C12orf42: variants seen among roughly 807,000 people sequenced by gnomAD.
C12orf42 encodes uncharacterized protein C12orf42.
In C12orf42, 25 loss-of-function variants were observed where a neutral mutation model predicts 21.6. The observed-to-expected ratio is 1.16, with a 90% CI of 0.84 to 1.62. The LOEUF (loss-of-function observed/expected upper bound fraction) is 1.62, where lower values mean the gene tolerates loss of function less well. Among genes scored for constraint, C12orf42 ranks in the 40% most tolerant of loss-of-function variants. C12orf42 has a pLI of 0.00. For synonymous variants in C12orf42, 174 were observed against 175.0 expected (o/e 0.99, Z 0.05); for missense variants, 483 against 459.3 (o/e 1.05, Z -0.47).
chr12:103,294,639 G>GAAAGAAAGAAAGAAA (rs1566026190), intron 4 of C12orf42, among the ~76,000 whole-genome samples: 4 of 119,188 alleles, frequency 3.4e-5, no homozygotes, highest in East Asian at 2.5e-4. Context: ...AAAGAAAGAA[G>GAAAGAAAGAAAGAAA]GAAAAGAAAG....
intron 1 of C12orf42, among the ~76,000 whole-genome samples, chr12:103,492,215 C>T (rs1955231627): frequency 6.6e-6 from 1 of 152,234 alleles, no homozygotes; most frequent in Non-Finnish European, 1.5e-5. Flanking sequence ...GCCATGGCCT[C>T]CCAAAATGCT....
the C12orf42 span, among the ~76,000 whole-genome samples, chr12:103,120,429 A>T: frequency 1.6e-4 from 25 of 152,164 alleles, no homozygotes; most frequent in African/African-American, 6.0e-4. Flanking sequence ...TTGCAGAGGG[A>T]TGGGATGAAC....
At position 103,368,961 on chromosome 12, in the gene C12orf42, G is replaced by A; in HGVS notation, c.185C>T (p.Ser62Phe). 1.2e-6 allele frequency: 2 copies of A among 1,600,360 alleles called. No individual in the cohort carries two copies. The highest frequency in any genetic ancestry group is 1.1e-5 in the South Asian group (1 of 88,596). The change falls in exon 4 of 6, where the codon TCC (serine) becomes TTC (phenylalanine). Residue 62 changes from serine (S) to phenylalanine (F), a missense_variant. Physicochemically the swap from Ser to Phe is radical, Grantham distance 155. Coordinates refer to ENST00000548883, the MANE Select transcript of C12orf42 (RefSeq NM_198521.5). ...PCYERTSVPC[S>F]RFINHMKNFS... is the part of the protein sequence containing the mutation. The stretch of plus-strand genomic sequence containing the variant: ...ATTCTTCATGTGATTAATGAATCTG[G>A]AGCAGGGTACTGAAGTTCTTTCATA...
intron 3 of C12orf42, among the ~76,000 whole-genome samples, chr12:103,386,655 G>C (rs1395013482): frequency 6.6e-6 from 1 of 152,138 alleles, no homozygotes; most frequent in African/African-American, 2.4e-5. Flanking sequence ...CCAAAATACA[G>C]CAACTGCTCT....
chr12:103,395,336 CTTT>C (rs35914185), intron 3 of C12orf42, among the ~76,000 whole-genome samples: 3 of 138,290 alleles, frequency 2.2e-5, no homozygotes, highest in Non-Finnish European at 1.6e-5. Context: ...ACCCATTATT[CTTT>C]TTTTTTTTTT....
the C12orf42 span, chr12:103,168,201 C>A: frequency 6.7e-6 from 2 of 298,152 alleles, no homozygotes; most frequent in Non-Finnish European, 6.0e-6. Context: ...TTACACCAAT[C>A]CATCCAACCA....
rs561517186 is a variant in C12orf42 at position 103,356,100 on chromosome 12, G to A, written c.259+12787C>T. On this transcript the variant is annotated intron_variant, in intron 4 of 5. Transcript: ENST00000548883. ...TTAAAAGTCTAACTCCTGACTGGGC[G>A]CTTCTAACCACAATGCCTCCTGTTA... Among the ~76,000 whole-genome samples, 6 of 152,106 alleles carry A rather than the reference G, an allele frequency of 3.9e-5. No individual in the cohort carries two copies. The South Asian group carries it at 1.0e-3, about 26-fold the overall frequency.
the C12orf42 span, among the ~76,000 whole-genome samples, chr12:103,540,867 T>C: frequency 6.6e-6 from 1 of 152,226 alleles, no homozygotes; most frequent in Non-Finnish European, 1.5e-5. Context: ...TCCTTCTTTC[T>C]TGCCTTCCTC....
chr12:103,298,002 T>C (rs563743907), downstream of C12orf42, among the ~76,000 whole-genome samples: 1 of 151,856 alleles, frequency 6.6e-6, no homozygotes, highest in Non-Finnish European at 1.5e-5. Flanking sequence ...AATATCATAC[T>C]GAATGGGCAA....
At chr12:103,141,012 C>T in the C12orf42 span, among the ~76,000 whole-genome samples, 1 of 152,196 alleles carries the variant, frequency 6.6e-6, no homozygotes, top group Non-Finnish European at 1.5e-5. Flanking sequence ...CCTTAACCAT[C>T]TTCCAAGTAA....
At chr12:103,505,017 G>C in the C12orf42 span, 1 of 228,180 alleles carries the variant, frequency 4.4e-6, no homozygotes, top group Non-Finnish European at 9.7e-6. Flanking sequence ...GCTGTGTTCT[G>C]AGCTTAGGAA....
At chr12:103,339,745 G>A (rs989080587) in intron 4 of C12orf42, among the ~76,000 whole-genome samples, 2 of 152,172 alleles carry the variant, frequency 1.3e-5, no homozygotes, top group African/African-American at 2.4e-5. Flanking sequence ...CTGTTGGTGG[G>A]AGTGAAAATC....
chr12:103,555,104 T>C, the C12orf42 span, among the ~76,000 whole-genome samples: 2 of 152,300 alleles, frequency 1.3e-5, no homozygotes, highest in South Asian at 4.1e-4. Flanking sequence ...GGGCAACTTG[T>C]TAAAGCACGG....
chr12:103,088,073 T>C, the C12orf42 span, among the ~76,000 whole-genome samples: 1 of 152,226 alleles, frequency 6.6e-6, no homozygotes, highest in African/African-American at 2.4e-5. Flanking sequence ...TAGATTTTGA[T>C]TCCCAGGGAG....
chr12:103,326,097 T>A (rs2040670408), intron 4 of C12orf42, among the ~76,000 whole-genome samples: 1 of 152,184 alleles, frequency 6.6e-6, no homozygotes, highest in Non-Finnish European at 1.5e-5. Flanking sequence ...GAGGTTATCA[T>A]TACCCTCCAT....
At chr12:103,095,150 G>A in the C12orf42 span, among the ~76,000 whole-genome samples, 1 of 151,994 alleles carries the variant, frequency 6.6e-6, no homozygotes, top group Admixed American at 6.6e-5. Flanking sequence ...CCCCTGATTG[G>A]TCCCTTCCCT....
At chr12:103,379,350 G>C (rs1389092404) in intron 3 of C12orf42, among the ~76,000 whole-genome samples, 5 of 152,222 alleles carry the variant, frequency 3.3e-5, no homozygotes. Flanking sequence ...GCTGCAAAAA[G>C]AGCTCAGTGT....
the C12orf42 span, among the ~76,000 whole-genome samples, chr12:103,172,024 G>A: frequency 6.6e-6 from 1 of 152,086 alleles, no homozygotes; most frequent in Admixed American, 6.6e-5. Context: ...AATTAGGTAG[G>A]GCACAAGATA....
At chr12:103,283,915 G>A (rs2036283086) in intron 4 of C12orf42, among the ~76,000 whole-genome samples, 2 of 152,156 alleles carry the variant, frequency 1.3e-5, no homozygotes, top group East Asian at 1.9e-4. Flanking sequence ...AATTTTCCGG[G>A]CAAATGCAAT....
Sources: gnomAD v4.1 joint callset for allele counts (sites outside exome capture counted in the v4.1 genomes callset) on GRCh38, gnomAD v4.1.1 for gene constraint, MANE v1.5 for transcripts, NCBI Gene and HGNC (gene_info 2026-07-23, HGNC 2026-07-21) for gene names.